Variants in BTBD10 observed in about 807,000 individuals in gnomAD.
BTBD10 encodes BTB domain containing 10.
Under a neutral mutation model 53.2 loss-of-function variants are expected in BTBD10, and 21 were observed. The observed-to-expected ratio is 0.39, with a 90% confidence interval of 0.28 to 0.57. The LOEUF (loss-of-function observed/expected upper bound fraction) is 0.57. Ranked by LOEUF, BTBD10 falls within the 20% of genes least tolerant of loss-of-function variation. The probability of loss-of-function intolerance (pLI) is 0.53; values close to 1 mark genes in which losing one functional copy is unlikely to be tolerated. For missense variants in BTBD10, 360 were observed against 594.7 expected (o/e 0.61, Z 4.10); for synonymous variants, 149 against 192.7 (o/e 0.77, Z 1.88).
At chr11:13,418,021 C>T (rs992913797) in intron 4 of BTBD10, among the ~76,000 whole-genome samples, 1 of 152,044 alleles carries the variant, frequency 6.6e-6, no homozygotes, top group African/African-American at 2.4e-5. Flanking sequence ...TTCTAGTACT[C>T]TCCAGAAAAT....
intron 5 of BTBD10, among the ~76,000 whole-genome samples, chr11:13,415,034 C>A (rs1950066340): frequency 6.6e-6 from 1 of 151,830 alleles, no homozygotes; most frequent in Admixed American, 6.6e-5. Flanking sequence ...CAGCATCCTC[C>A]CTTCCCTCAA....
intron 6 of BTBD10, among the ~76,000 whole-genome samples, chr11:13,406,073 A>T (rs1394554665): frequency 6.6e-5 from 10 of 152,154 alleles, no homozygotes; most frequent in Non-Finnish European, 1.0e-4. Context: ...ATACCATATT[A>T]TCTTCCATCA....
intron 5 of BTBD10, 101 bp from the exon 6 acceptor site, chr11:13,413,751 G>C (rs1211945742): frequency 8.9e-7 from 1 of 1,123,392 alleles, no homozygotes; most frequent in African/African-American, 1.6e-5. Context: ...AAACAGTAGA[G>C]AACTCTGACA....
chr11:13,420,116 C>T (rs911182786), intron 3 of BTBD10, among the ~76,000 whole-genome samples: 2 of 151,982 alleles, frequency 1.3e-5, no homozygotes, highest in Non-Finnish European at 2.9e-5. Flanking sequence ...AAAGTTATTA[C>T]AGTAAAAGAT....
At chr11:13,407,225 T>C (rs1216651720) in intron 6 of BTBD10, among the ~76,000 whole-genome samples, 1 of 152,236 alleles carries the variant, frequency 6.6e-6, no homozygotes, top group Non-Finnish European at 1.5e-5. Context: ...GTTCATTAAA[T>C]ACTGGTATTT....
chr11:13,424,380 T>C (rs1414358531), intron 2 of BTBD10, among the ~76,000 whole-genome samples: 2 of 152,222 alleles, frequency 1.3e-5, no homozygotes, highest in Non-Finnish European at 2.9e-5. Context: ...ACTTAGATTT[T>C]AAACGAATTC....
At chr11:13,422,026 A>C (rs945652107) in intron 2 of BTBD10, among the ~76,000 whole-genome samples, 188 bp from the exon 3 acceptor site, 1 of 152,238 alleles carries the variant, frequency 6.6e-6, no homozygotes, top group African/African-American at 2.4e-5. Flanking sequence ...CGTGTCTTTG[A>C]AGATCACATA....
At chr11:13,420,862 T>C (rs1229950942) in intron 3 of BTBD10, among the ~76,000 whole-genome samples, 1 of 152,214 alleles carries the variant, frequency 6.6e-6, no homozygotes, top group Non-Finnish European at 1.5e-5. Flanking sequence ...CTGTCAACTC[T>C]AATTTATACT....
intron 6 of BTBD10, among the ~76,000 whole-genome samples, chr11:13,411,966 G>A (rs1393551531): frequency 1.3e-5 from 2 of 151,974 alleles, no homozygotes; most frequent in Non-Finnish European, 2.9e-5. Context: ...CGAGTAGCTG[G>A]AATTACAGGC....
intron 1 of BTBD10, among the ~76,000 whole-genome samples, chr11:13,446,954 T>G (rs956650058): frequency 6.6e-6 from 1 of 151,930 alleles, no homozygotes; most frequent in Non-Finnish European, 1.5e-5. Flanking sequence ...AGAAAAAAAG[T>G]AGTCACCAAA....
chr11:13,417,047 C>A, intron 5 of BTBD10, 111 bp downstream of exon 5: 1 of 713,342 alleles, frequency 1.4e-6, no homozygotes, highest in Non-Finnish European at 2.2e-6. Context: ...TAAGGAAAAA[C>A]AATACCCTGG....
chr11:13,407,506 A>G (rs1949857857), intron 6 of BTBD10, among the ~76,000 whole-genome samples: 1 of 149,720 alleles, frequency 6.7e-6, no homozygotes, highest in Non-Finnish European at 1.5e-5. Context: ...AGTGCTGGGC[A>G]TATAATGGGA....
intron 5 of BTBD10, among the ~76,000 whole-genome samples, chr11:13,415,200 G>A (rs758455006): frequency 1.5e-4 from 21 of 141,038 alleles, no homozygotes; most frequent in African/African-American, 3.5e-4. Context: ...TGCAACCTTC[G>A]CCTCCTGGCT....
At position 13,388,045 on chromosome 11, in the gene BTBD10, G is replaced by A. The variant is rs908472244; in HGVS notation, c.*786C>T. 2 of 151,702 alleles carry A rather than the reference G, an allele frequency of 1.3e-5. No homozygotes were observed. Among genetic ancestry groups the A allele is most frequent in the African/African-American group, 4.9e-5 (2 of 41,120 alleles). The allele number at this position is 151,702 out of a possible 1,614,324, so 9.4% of individuals were successfully genotyped here. On this transcript the variant is annotated 3_prime_UTR_variant, in exon 9 of 9. Transcript: ENST00000278174. ...CATTAAAACAATGGAATTTTATTTT[G>A]ATGAAAAACTCAAGTTTACAATCAT...
intron 8 of BTBD10, among the ~76,000 whole-genome samples, chr11:13,395,202 CTGT>C (rs1381368342): frequency 6.6e-6 from 1 of 150,974 alleles, no homozygotes; most frequent in Admixed American, 6.6e-5. Context: ...TCTCCAGCAC[CTGT>C]TGTTTCCTGA....
At chr11:13,431,711 T>G (rs1316942091) in intron 2 of BTBD10, among the ~76,000 whole-genome samples, 1 of 152,156 alleles carries the variant, frequency 6.6e-6, no homozygotes, top group Non-Finnish European at 1.5e-5. Context: ...AGCAAATATC[T>G]ATTCACATCA....
chr11:13,402,673 A>G (rs1949738641), intron 8 of BTBD10, among the ~76,000 whole-genome samples: 1 of 152,228 alleles, frequency 6.6e-6, no homozygotes, highest in Admixed American at 6.5e-5. Context: ...GTGCATTTAC[A>G]TAAGATGAAA....
intron 1 of BTBD10, among the ~76,000 whole-genome samples, chr11:13,452,190 A>G (rs1187971349): frequency 6.6e-6 from 1 of 152,228 alleles, no homozygotes; most frequent in Non-Finnish European, 1.5e-5. Flanking sequence ...AAAGCATTAG[A>G]TAAGTGAAAG....
rs530185469 is a variant in BTBD10 at position 13,416,906 on chromosome 11, G to C, written c.687+252C>G. On this transcript the variant is annotated intron_variant, in intron 5 of 8. Transcript: ENST00000278174. ...GGTGTGTGGCAGGAGGATTGCTTGA[G>C]CCCGGGAGGTTGAGGCTGCAGTGAG... is the stretch of plus-strand genomic sequence containing the variant. Among the ~76,000 whole-genome samples the C allele has an allele frequency of 2.6e-5, 4 of 152,204 alleles. No individual in the cohort carries two copies. In the South Asian group the frequency reaches 8.3e-4, roughly 32 times the overall value.
Sources: gnomAD v4.1 joint callset for allele counts (sites outside exome capture counted in the v4.1 genomes callset) on GRCh38, gnomAD v4.1.1 for gene constraint, MANE v1.5 for transcripts, NCBI Gene and HGNC (gene_info 2026-07-23, HGNC 2026-07-21) for gene names.